Variants in ATG4A observed in about 807,000 individuals in gnomAD.
ATG4A encodes the protein autophagy related 4A cysteine peptidase, also known as cysteine protease ATG4A.
Under a neutral mutation model 38.4 loss-of-function variants are expected in ATG4A, and 22 were observed. That is an observed-to-expected ratio of 0.57 (90% CI 0.41 to 0.82). ATG4A has a LOEUF of 0.82. ATG4A is among the 40% of genes least tolerant of loss of function. The pLI, the probability that ATG4A is intolerant of heterozygous loss-of-function variation, is 0.00. For synonymous variants in ATG4A, 86 were observed against 100.7 expected (o/e 0.85, Z 0.88); for missense variants, 220 against 290.0 (o/e 0.76, Z 1.75).
At chrX:108,122,278 A>T (rs2032674081) in intron 1 of ATG4A, among the ~76,000 whole-genome samples, 1 of 112,386 alleles carries the variant, frequency 8.9e-6, no homozygotes, top group Admixed American at 9.4e-5. Flanking sequence ...AAGCCATATT[A>T]TTAAAGTAAG....
intron 1 of ATG4A, among the ~76,000 whole-genome samples, chrX:108,105,287 T>G (rs1414596652): frequency 1.8e-5 from 2 of 111,679 alleles, no homozygotes; most frequent in Non-Finnish European, 3.8e-5. Flanking sequence ...TCTGGGGGCC[T>G]TTGAAACCTT....
At chrX:108,135,398 T>G (rs1188436341) in intron 6 of ATG4A, among the ~76,000 whole-genome samples, 1 of 112,340 alleles carries the variant, frequency 8.9e-6, no homozygotes, top group African/African-American at 3.2e-5. Context: ...CCATGCAAAG[T>G]ACAGACAGGA....
At position 108,126,732 on chromosome X, in the gene ATG4A, C is replaced by T; in HGVS notation, c.121+545C>T. 3 of 975,279 alleles carry T rather than the reference C, an allele frequency of 3.1e-6. No homozygotes were observed. In the East Asian group the frequency reaches 2.3e-4, roughly 73 times the overall value. 80.4% of individuals were successfully genotyped at this position (975,279 alleles called of 1,213,427 possible). ...TTCTGATTTTGTATAGAACTTTTAG[C>T]CACTGCAGCTAGATGGAAAGGAGGC... On this transcript the variant is annotated intron_variant, in intron 2 of 12. Transcript: ENST00000372232.
intron 2 of ATG4A, among the ~76,000 whole-genome samples, chrX:108,127,933 A>G (rs1298165188): frequency 8.9e-6 from 1 of 112,315 alleles, no homozygotes; most frequent in Non-Finnish European, 1.9e-5. Flanking sequence ...TTGAAAAAAG[A>G]CACAAAAACA....
intron 1 of ATG4A, among the ~76,000 whole-genome samples, chrX:108,123,934 T>C (rs1260357263): frequency 1.8e-5 from 2 of 112,758 alleles, no homozygotes; most frequent in African/African-American, 6.4e-5. Flanking sequence ...ATTCATCCAA[T>C]GCCATCCATC....
chrX:108,102,681 T>C (rs1317075612), intron 1 of ATG4A, among the ~76,000 whole-genome samples: 1 of 112,060 alleles, frequency 8.9e-6, no homozygotes, highest in Non-Finnish European at 1.9e-5. Flanking sequence ...GCAGGTCTTA[T>C]GTTTAAGTCT....
upstream of ATG4A, among the ~76,000 whole-genome samples, chrX:108,091,174 A>C (rs902414519): frequency 8.8e-6 from 1 of 113,516 alleles, no homozygotes; most frequent in Non-Finnish European, 1.9e-5. Context: ...TTCTAGAACT[A>C]TCCAAAAATC....
At chrX:108,125,093 T>G (rs1278683756) in intron 1 of ATG4A, among the ~76,000 whole-genome samples, 2 of 111,362 alleles carry the variant, frequency 1.8e-5, no homozygotes, top group East Asian at 5.6e-4. Context: ...TTAAAATAGG[T>G]TTTGTGGACT....
chrX:108,123,043 A>C (rs915253126), intron 1 of ATG4A, among the ~76,000 whole-genome samples: 1 of 112,164 alleles, frequency 8.9e-6, no homozygotes, highest in Admixed American at 9.5e-5. Flanking sequence ...ACATGTACAC[A>C]GAGTCCCTTG....
upstream of ATG4A, among the ~76,000 whole-genome samples, chrX:108,091,051 G>A (rs1351715019): frequency 8.8e-6 from 1 of 113,124 alleles, no homozygotes; most frequent in South Asian, 3.6e-4. Context: ...GGCACGGAAG[G>A]GGCGTTCAAT....
chrX:108,094,980 A>T (rs2031760453), intron 1 of ATG4A, among the ~76,000 whole-genome samples: 1 of 112,633 alleles, frequency 8.9e-6, no homozygotes, highest in South Asian at 3.7e-4. Flanking sequence ...TTTGAGACAG[A>T]GTCTCACTCT....
intron 2 of ATG4A, among the ~76,000 whole-genome samples, chrX:108,128,397 G>A (rs1220630285): frequency 9.9e-5 from 11 of 111,612 alleles, no homozygotes; most frequent in African/African-American, 3.3e-4. Flanking sequence ...GATGATGGGT[G>A]CTGATGCAAG....
chrX:108,104,719 T>C (rs1374258330), intron 1 of ATG4A, among the ~76,000 whole-genome samples: 2 of 111,708 alleles, frequency 1.8e-5, no homozygotes, highest in East Asian at 2.8e-4. Context: ...GAGATGTTAT[T>C]TCTTTAAATA....
chrX:108,142,085 A>T (rs1453512663), intron 9 of ATG4A, among the ~76,000 whole-genome samples: 2 of 111,750 alleles, frequency 1.8e-5, no homozygotes, highest in Non-Finnish European at 3.8e-5. Flanking sequence ...TATATCTCTT[A>T]TAAGCACTCT....
At chrX:108,151,041 T>C (rs1832862021) in intron 10 of ATG4A, among the ~76,000 whole-genome samples, 1 of 112,548 alleles carries the variant, frequency 8.9e-6, no homozygotes, top group Non-Finnish European at 1.9e-5. Context: ...CCCTGTTTCC[T>C]TCTTGTCCTC....
chrX:108,126,778 A>G, intron 2 of ATG4A: 1 of 981,062 alleles, frequency 1.0e-6, no homozygotes, highest in Non-Finnish European at 1.3e-6. Flanking sequence ...CTTCCTTACC[A>G]TTACATTCTT....
intron 2 of ATG4A, among the ~76,000 whole-genome samples, chrX:108,128,090 AAAC>A (rs2032850006): frequency 8.9e-6 from 1 of 112,038 alleles, no homozygotes; most frequent in African/African-American, 3.2e-5. Context: ...GCATCCACAC[AAAC>A]AAGCCAACCC....
intron 6 of ATG4A, among the ~76,000 whole-genome samples, chrX:108,135,942 C>G (rs954197477): frequency 9.1e-6 from 1 of 109,709 alleles, no homozygotes; most frequent in Non-Finnish European, 1.9e-5. Context: ...TGCTACCACA[C>G]CCAGCTAATT....
chrX:108,130,083 T>A (rs1199442169), intron 3 of ATG4A, among the ~76,000 whole-genome samples: 1 of 110,980 alleles, frequency 9.0e-6, no homozygotes, highest in Non-Finnish European at 1.9e-5. Flanking sequence ...ATCTTTTCCA[T>A]ACTAATCTGG....
Sources: allele counts gnomAD v4.1 joint callset (sites outside exome capture counted in the v4.1 genomes callset), GRCh38; gene constraint gnomAD v4.1.1; transcripts MANE v1.5; gene names NCBI Gene and HGNC (gene_info 2026-07-23, HGNC 2026-07-21).